The following FMN1 variants were observed in gnomAD, a reference collection of about 807,000 sequenced individuals.
The protein encoded by FMN1 is formin-1.
FMN1 carries 110 observed loss-of-function variants against 132.4 expected under a neutral mutation model. The observed-to-expected ratio is 0.83, with a 90% CI of 0.71 to 0.97. The LOEUF is 0.97. Among genes scored for constraint, FMN1 ranks in the 50% least tolerant of loss-of-function variants. The pLI is 0.00. For synonymous variants in FMN1, 722 were observed against 651.7 expected (o/e 1.11, Z -1.64); for missense variants, 1,792 against 1,705.3 (o/e 1.05, Z -0.90).
chr15:33,125,514 T>G (rs926574979), intron 4 of FMN1, among the ~76,000 whole-genome samples: 13 of 152,116 alleles, frequency 8.5e-5, no homozygotes, highest in African/African-American at 3.1e-4. Context: ...TGAACCCTTC[T>G]CAAATTTGGA....
At chr15:32,934,597 CCT>C (rs1491190178) in intron 9 of FMN1, among the ~76,000 whole-genome samples, 1 of 145,852 alleles carries the variant, frequency 6.9e-6, no homozygotes, top group East Asian at 2.0e-4. Flanking sequence ...CAATTTTTTT[CCT>C]TTTTTTTTTT....
chr15:32,907,878 C>T (rs374730010), intron 12 of FMN1, among the ~76,000 whole-genome samples: 123 of 152,172 alleles, frequency 8.1e-4, no homozygotes, highest in African/African-American at 2.8e-3. Context: ...TCTATGGCTT[C>T]GAGACCCCAA....
chr15:32,906,868 T>C (rs890129751), intron 12 of FMN1, among the ~76,000 whole-genome samples: 2 of 152,180 alleles, frequency 1.3e-5, no homozygotes, highest in Admixed American at 1.3e-4. Flanking sequence ...TTTAGAAACC[T>C]ACTTTGAGGG....
chr15:32,947,224 C>T (rs924429516), intron 9 of FMN1, among the ~76,000 whole-genome samples: 22 of 151,918 alleles, frequency 1.4e-4, no homozygotes, highest in Middle Eastern at 3.2e-3. Flanking sequence ...ATCCATTTTC[C>T]TTTTTTTGCC....
chr15:33,097,570 C>G (rs546048371), intron 4 of FMN1, among the ~76,000 whole-genome samples: 1 of 152,230 alleles, frequency 6.6e-6, no homozygotes, highest in South Asian at 2.1e-4. Context: ...TCAGAACATG[C>G]AGCCCAAAAG....
At position 32,968,851 on chromosome 15, in the gene FMN1, T is replaced by A. The variant is rs770862664; in HGVS notation, c.2850A>T (p.Gly950=). 2.0e-5 allele frequency: 15 copies of A among 748,580 alleles called. No individual in the cohort carries two copies. Among genetic ancestry groups the A allele is most frequent in the South Asian group, 6.9e-5 (5 of 71,980 alleles). 46.4% of individuals were successfully genotyped at this position (748,580 alleles called of 1,614,324 possible). ...GTCCAGGGGGAGGTGGGGGTGCAAG[T>A]CCTGGGGGTGGTGGAGCAGGAGGAG... ...GGPPPAPPPP[G]LAPPPPPGLF... Residue 950 remains glycine, a synonymous_variant, in exon 8 of 21, where the codon GGA becomes GGT. Coordinates refer to ENST00000616417, the MANE Select transcript of FMN1 (RefSeq NM_001277313.2).
intron 7 of FMN1, among the ~76,000 whole-genome samples, chr15:32,972,011 G>A (rs768621568): frequency 6.6e-6 from 1 of 152,186 alleles, no homozygotes; most frequent in African/African-American, 2.4e-5. Context: ...GGGCAGTTAA[G>A]TTCACCTCTC....
chr15:33,006,101 T>A (rs1320543306), intron 7 of FMN1, among the ~76,000 whole-genome samples: 1 of 152,184 alleles, frequency 6.6e-6, no homozygotes, highest in African/African-American at 2.4e-5. Context: ...CAGTTATTTT[T>A]AAAAGCACAT....
intron 6 of FMN1, among the ~76,000 whole-genome samples, chr15:33,051,148 A>C (rs1341016296): frequency 1.3e-5 from 2 of 152,152 alleles, no homozygotes; most frequent in Admixed American, 6.5e-5. Flanking sequence ...TTTTTCCTCT[A>C]TATATATACC....
chr15:32,789,655 G>A (rs1335146994), intron 19 of FMN1, among the ~76,000 whole-genome samples: 5 of 152,168 alleles, frequency 3.3e-5, no homozygotes, highest in African/African-American at 1.2e-4. Flanking sequence ...AACATCTACA[G>A]AAGGGTACAG....
chr15:32,901,685 G>A (rs1231435013), intron 13 of FMN1, among the ~76,000 whole-genome samples: 2 of 152,134 alleles, frequency 1.3e-5, no homozygotes, highest in East Asian at 3.8e-4. Flanking sequence ...ATCTGTAAAA[G>A]TGTCATTTTT....
chr15:32,916,887 C>T (rs2060697478), intron 10 of FMN1, among the ~76,000 whole-genome samples: 1 of 152,048 alleles, frequency 6.6e-6, no homozygotes, highest in Non-Finnish European at 1.5e-5. Flanking sequence ...AGAAAGAGAA[C>T]AGAGCAGGGA....
chr15:33,182,392 C>T (rs993719969), intron 2 of FMN1, among the ~76,000 whole-genome samples: 1 of 152,202 alleles, frequency 6.6e-6, no homozygotes, highest in African/African-American at 2.4e-5. Context: ...TTAGGGCCAT[C>T]CATTGCTCTT....
intron 16 of FMN1, among the ~76,000 whole-genome samples, chr15:32,857,743 A>C (rs1368267748): frequency 6.6e-6 from 1 of 152,232 alleles, no homozygotes; most frequent in Non-Finnish European, 1.5e-5. Flanking sequence ...TTTGTAATAG[A>C]GTACTTTTTG....
At chr15:32,797,198 T>C (rs1287208760) in intron 19 of FMN1, among the ~76,000 whole-genome samples, 1 of 152,236 alleles carries the variant, frequency 6.6e-6, no homozygotes, top group Non-Finnish European at 1.5e-5. Flanking sequence ...AATACAGTTA[T>C]TTCAACAGAA....
At chr15:33,013,395 A>T (rs1467893564) in intron 6 of FMN1, among the ~76,000 whole-genome samples, 2 of 152,236 alleles carry the variant, frequency 1.3e-5, no homozygotes, top group Non-Finnish European at 2.9e-5. Flanking sequence ...AGCTGAATAA[A>T]TGTGTCTTTT....
intron 12 of FMN1, among the ~76,000 whole-genome samples, chr15:32,902,686 G>T: frequency 6.6e-6 from 1 of 152,186 alleles, no homozygotes; most frequent in South Asian, 2.1e-4. Flanking sequence ...CCTTAAAAAT[G>T]TGGCAAGACA....
At chr15:33,155,491 CT>C (rs1433438557) in intron 3 of FMN1, among the ~76,000 whole-genome samples, 1 of 152,082 alleles carries the variant, frequency 6.6e-6, no homozygotes, top group Non-Finnish European at 1.5e-5. Context: ...TCGATCAAGC[CT>C]TTTTACCCTC....
intron 4 of FMN1, among the ~76,000 whole-genome samples, chr15:33,096,427 C>T (rs532732920): frequency 2.0e-5 from 3 of 152,280 alleles, no homozygotes; most frequent in South Asian, 4.1e-4. Context: ...TTCATCAGAG[C>T]TGCTAAGAAA....
Sources: allele counts gnomAD v4.1 joint callset (sites outside exome capture counted in the v4.1 genomes callset), GRCh38; gene constraint gnomAD v4.1.1; transcripts MANE v1.5; gene names NCBI Gene and HGNC (gene_info 2026-07-23, HGNC 2026-07-21).